The following HDAC9 variants were observed in gnomAD, a reference collection of about 807,000 sequenced individuals.
HDAC9 encodes MEF-2 interacting transcription repressor (MITR) protein.
HDAC9 carries 41 observed loss-of-function variants against 139.4 expected under a neutral mutation model. That is an observed-to-expected ratio of 0.29 (90% CI 0.23 to 0.38). The LOEUF (loss-of-function observed/expected upper bound fraction) is 0.38. Among genes scored for constraint, HDAC9 ranks in the 10% least tolerant of loss-of-function variants. HDAC9 has a pLI of 1.00. For missense variants in HDAC9, 1,147 were observed against 1,297.0 expected (o/e 0.88, Z 1.78); for synonymous variants, 517 against 476.2 (o/e 1.09, Z -1.12).
intron 2 of HDAC9, among the ~76,000 whole-genome samples, chr7:18,581,659 G>A (rs904300735): frequency 1.3e-5 from 2 of 152,110 alleles, no homozygotes; most frequent in African/African-American, 4.8e-5. Context: ...GAAGGCTATA[G>A]CTTGGCCTTT....
chr7:18,988,505 G>A (rs1267271111), intron 25 of HDAC9, among the ~76,000 whole-genome samples: 1 of 151,678 alleles, frequency 6.6e-6, no homozygotes, highest in Non-Finnish European at 1.5e-5. Flanking sequence ...TTTTGGAATA[G>A]GTGTGGTGTG....
chr7:18,474,380 C>T (rs1019061523), intron 1 of HDAC9, among the ~76,000 whole-genome samples: 2 of 152,062 alleles, frequency 1.3e-5, no homozygotes, highest in Non-Finnish European at 2.9e-5. Flanking sequence ...CTATAGCTGC[C>T]CCTGTGGCAT....
intron 12 of HDAC9, among the ~76,000 whole-genome samples, chr7:18,696,433 C>G (rs1327336446): frequency 6.8e-6 from 1 of 147,408 alleles, no homozygotes; most frequent in South Asian, 2.1e-4. Flanking sequence ...CATTATGTAG[C>G]TATAGTTATA....
intron 1 of HDAC9, among the ~76,000 whole-genome samples, chr7:18,295,767 A>T (rs1798101862): frequency 6.6e-6 from 1 of 152,172 alleles, no homozygotes; most frequent in Non-Finnish European, 1.5e-5. Flanking sequence ...CCCAGAGCAC[A>T]TTTGGCAATG....
At chr7:18,131,006 T>G (rs1784966119) in intron 1 of HDAC9, among the ~76,000 whole-genome samples, 1 of 152,138 alleles carries the variant, frequency 6.6e-6, no homozygotes, top group South Asian at 2.1e-4. Context: ...TATAATCGAG[T>G]GTTTAGAAAT....
intron 22 of HDAC9, chr7:18,892,086 G>A (rs752678598): frequency 1.4e-4 from 22 of 152,116 alleles, no homozygotes; most frequent in Non-Finnish European, 2.5e-4. Flanking sequence ...AAAAGAATGA[G>A]GGGAAATAGT....
intron 2 of HDAC9, among the ~76,000 whole-genome samples, chr7:18,177,406 T>A (rs1008392832): frequency 2.0e-5 from 3 of 152,170 alleles, no homozygotes; most frequent in Non-Finnish European, 4.4e-5. Flanking sequence ...CTCTATCACA[T>A]CTATTTAAGG....
Position 18,186,808 on chromosome 7 carries a change from A to G in HDAC9, c.25+24459A>G, listed in dbSNP as rs80089097. On this transcript the variant is annotated intron_variant, in intron 2 of 12. Transcript: ENST00000417496. ...GTACTGTAAAAACTCTAAATAAAGC[A>G]TAAGGTGGTTTTGAAAACTGTTAAT... is the stretch of plus-strand genomic sequence containing the variant. Among the ~76,000 whole-genome samples, 461 of 152,372 alleles carry G rather than the reference A, an allele frequency of 3.0e-3. 2 individuals carry two copies. The highest frequency in any genetic ancestry group is 0.01 in the African/African-American group (427 of 41,588).
At position 18,666,368 on chromosome 7, in the gene HDAC9, A is replaced by T. The variant is rs1046383131; in HGVS notation, c.1623A>T (p.Thr541=). 12 of 1,613,364 alleles carry T rather than the reference A, an allele frequency of 7.4e-6. No homozygotes were observed. Among genetic ancestry groups the T allele is most frequent in the Non-Finnish European group, 1.0e-5 (12 of 1,179,608 alleles). The change falls in exon 12 of 26, where the codon ACA becomes ACT. Residue 541 remains threonine, a synonymous_variant. Coordinates refer to ENST00000686413, the MANE Select transcript of HDAC9 (RefSeq NM_178425.4). ...RSDSSACVDD[T]LGQVGAVKVK... ...ACAGCAGTGCTTGTGTGGATGACACACTGGGACAAGTTGGGGCTGTGAAGG... is the reference window on the plus strand; with the variant it reads ...ACAGCAGTGCTTGTGTGGATGACACTCTGGGACAAGTTGGGGCTGTGAAGG...
At chr7:18,182,049 A>G (rs1263470916) in intron 2 of HDAC9, among the ~76,000 whole-genome samples, 1 of 152,184 alleles carries the variant, frequency 6.6e-6, no homozygotes, top group Non-Finnish European at 1.5e-5. Context: ...GGGAATCCAC[A>G]GAGGTCTGGA....
intron 2 of HDAC9, among the ~76,000 whole-genome samples, chr7:18,215,528 G>C (rs1395882064): frequency 6.6e-6 from 1 of 152,176 alleles, no homozygotes; most frequent in Non-Finnish European, 1.5e-5. Flanking sequence ...GTGAAGGATT[G>C]GTAGCTTAAT....
chr7:18,800,983 T>C (rs1362815524), intron 17 of HDAC9, among the ~76,000 whole-genome samples: 2 of 152,188 alleles, frequency 1.3e-5, no homozygotes, highest in African/African-American at 4.8e-5. Flanking sequence ...TTTTTGCTAA[T>C]TGTACATCAT....
intron 8 of HDAC9, among the ~76,000 whole-genome samples, chr7:18,639,541 G>C (rs1784916999): frequency 6.6e-6 from 1 of 151,960 alleles, no homozygotes; most frequent in African/African-American, 2.4e-5. Context: ...CCAGTAAAAT[G>C]AAAACTTGAG....
chr7:18,944,382 C>T (rs991783505), intron 23 of HDAC9, among the ~76,000 whole-genome samples: 9 of 152,090 alleles, frequency 5.9e-5, no homozygotes, highest in African/African-American at 2.2e-4. Context: ...GGCCTTGTAC[C>T]TAAGAATATA....
intron 2 of HDAC9, among the ~76,000 whole-genome samples, chr7:18,529,660 C>T (rs981391838): frequency 1.3e-5 from 2 of 152,110 alleles, no homozygotes; most frequent in Admixed American, 1.3e-4. Context: ...TTTATTTCAT[C>T]CATAGACTTG....
At chr7:18,446,770 T>TA (rs147019248) in intron 1 of HDAC9, among the ~76,000 whole-genome samples, 5,287 of 152,250 alleles carry the variant, frequency 0.035, 110 homozygotes, top group African/African-American at 0.065. Context: ...ATGCATTTTT[T>TA]GAAAAAAACT....
intron 23 of HDAC9, among the ~76,000 whole-genome samples, chr7:18,937,989 G>A (rs1781759412): frequency 6.6e-6 from 1 of 152,154 alleles, no homozygotes. Flanking sequence ...AGATTCAACT[G>A]TGTGGAGTTA....
At chr7:18,929,864 G>T (rs183416570) in intron 22 of HDAC9, among the ~76,000 whole-genome samples, 1 of 151,934 alleles carries the variant, frequency 6.6e-6, no homozygotes, top group Non-Finnish European at 1.5e-5. Context: ...GCTTGAACCC[G>T]GGAGGTGGAG....
At chr7:18,473,864 C>T (rs1330979954) in intron 1 of HDAC9, among the ~76,000 whole-genome samples, 1 of 152,172 alleles carries the variant, frequency 6.6e-6, no homozygotes, top group Non-Finnish European at 1.5e-5. Flanking sequence ...TGGGTAAAGT[C>T]TAAGAGGAGC....
Sources: allele counts gnomAD v4.1 joint callset (sites outside exome capture counted in the v4.1 genomes callset), GRCh38; gene constraint gnomAD v4.1.1; transcripts MANE v1.5; gene names NCBI Gene and HGNC (gene_info 2026-07-23, HGNC 2026-07-21).